P2RX6: variants seen among roughly 807,000 people sequenced by gnomAD.
P2RX6 encodes the protein P2X purinoceptor 6.
A neutral mutation model predicts 54.2 loss-of-function variants in P2RX6; 62 were observed. That is an observed-to-expected ratio of 1.14 (90% CI 0.93 to 1.41). P2RX6 has a LOEUF of 1.41. Ranked by LOEUF, P2RX6 falls within the 40% of genes most tolerant of loss-of-function variation. The pLI is 0.00. For missense variants in P2RX6, 541 were observed against 566.3 expected, an observed-to-expected ratio of 0.96 and a Z score of 0.45; for synonymous variants, 211 against 231.9, an observed-to-expected ratio of 0.91 and a Z score of 0.82.
chr22:21,012,669 C>G (rs942533164), upstream of P2RX6: 1 of 486,984 alleles, frequency 2.1e-6, no homozygotes, highest in African/African-American at 2.0e-5. Flanking sequence ...CTGGGACAGA[C>G]AGAGCAAACA....
At chr22:21,025,640 T>A (rs1053599908) in intron 8 of P2RX6, among the ~76,000 whole-genome samples, 165 bp from the exon 9 acceptor site, 3 of 152,200 alleles carry the variant, frequency 2.0e-5, no homozygotes, top group Non-Finnish European at 4.4e-5. Flanking sequence ...GGTCTTCGTT[T>A]GCTTTTTCTG....
chr22:21,010,445 C>T (rs1169123954), upstream of P2RX6: 1 of 152,182 alleles, frequency 6.6e-6, no homozygotes, highest in Non-Finnish European at 1.5e-5. Flanking sequence ...GGCCAATTCT[C>T]AAAGGCCAAG....
intron 3 of P2RX6, among the ~76,000 whole-genome samples, chr22:21,022,220 A>G (rs950876909): frequency 2.0e-5 from 3 of 152,148 alleles, no homozygotes; most frequent in Non-Finnish European, 4.4e-5. Flanking sequence ...AAAAATATTA[A>G]AAAATCAGCC....
At chr22:21,009,801 A>T (rs1925638123), upstream of P2RX6, 1 of 158,186 alleles carries the variant, frequency 6.3e-6, no homozygotes, top group Non-Finnish European at 1.4e-5. Flanking sequence ...CCTGCACAGA[A>T]GCAAGGACTC....
upstream of P2RX6, chr22:21,012,666 A>C: frequency 2.0e-6 from 1 of 494,554 alleles, no homozygotes; most frequent in Non-Finnish European, 3.8e-6. Flanking sequence ...GCCCTGGGAC[A>C]GACAGAGCAA....
At chr22:21,014,972 C>G (rs1033410784), upstream of P2RX6, 6 of 500,534 alleles carry the variant, frequency 1.2e-5, no homozygotes, top group South Asian at 3.1e-5. Flanking sequence ...CTGCTGTTCT[C>G]TGTGTGCCAG....
At position 21,027,154 on chromosome 22, in the gene P2RX6, G is replaced by A. The variant is rs757267824; in HGVS notation, c.*537G>A. ...ATTGTTTCAGCTTCTCTGGTGCTGT[G>A]ATGCCCCAGGAGAGTCCTAATCTAG... On this transcript the variant is annotated 3_prime_UTR_variant, in exon 12 of 12. Coordinates refer to ENST00000413302, the MANE Select transcript of P2RX6 (RefSeq NM_005446.5). The A allele has an allele frequency of 6.2e-6, 1 of 162,266 alleles. No individual in the cohort carries two copies. The highest frequency in any genetic ancestry group is 2.4e-5 in the African/African-American group (1 of 41,542). The allele number at this position is 162,266 out of a possible 1,614,324, so 10.1% of individuals were successfully genotyped here. A position where few individuals can be genotyped will look rare whatever the true frequency, so the allele number is the denominator to read the frequency against.
upstream of P2RX6, chr22:21,013,643 G>C (rs1407861697): frequency 6.6e-6 from 1 of 152,226 alleles, no homozygotes; most frequent in African/African-American, 2.4e-5. Flanking sequence ...GCCAGAGTCA[G>C]GCCTCTACCT....
intron 8 of P2RX6, 36 bp downstream of exon 8, chr22:21,023,654 GCCCATCGCCCTCT>G: frequency 6.8e-7 from 1 of 1,474,446 alleles, no homozygotes; most frequent in Non-Finnish European, 9.3e-7. Context: ...CAGCTGCTGG[GCCCATCGCCCTCT>G]CACTGTGGCG....
chr22:21,021,564 TC>T (rs1313733410), intron 3 of P2RX6, among the ~76,000 whole-genome samples: 1 of 152,092 alleles, frequency 6.6e-6, no homozygotes, highest in African/African-American at 2.4e-5. Flanking sequence ...GCCCTGTCTT[TC>T]AGAAAGTCCC....
At chr22:21,017,694 G>A (rs1926629356) in intron 2 of P2RX6, among the ~76,000 whole-genome samples, 1 of 152,192 alleles carries the variant, frequency 6.6e-6, no homozygotes, top group Admixed American at 6.5e-5. Flanking sequence ...CAGCCTGGGT[G>A]ACGAAGTGTA....
rs1928519795 is a variant in P2RX6, at chr22:21,026,649, G to A, written c.*32G>A. ...CCTGCTGGTTGAGAGTTGGGGGCTG[G>A]GAAGGGCGGGGCCCTGCCTGGGGAT... On this transcript the variant is annotated 3_prime_UTR_variant, in exon 12 of 12. Coordinates refer to ENST00000413302, the MANE Select transcript of P2RX6 (RefSeq NM_005446.5). The surrounding 1 kb of genome is among the most constrained non-coding windows in gnomAD (Gnocchi z 4.0). 1.3e-6 allele frequency: 2 copies of A among 1,549,386 alleles called. No individual in the cohort carries two copies. The highest frequency in any genetic ancestry group is 1.7e-6 in the Non-Finnish European group (2 of 1,146,348).
At position 21,025,767 on chromosome 22, in the gene P2RX6, G is replaced by A. The variant is rs746525624; in HGVS notation, c.891-38G>A. ...CAGGGCCAGCCCCACCTGGGGGTGGGCAAAGCAGGTCACCAGAGCCTTCTT... is the reference window on the plus strand; with the variant it reads ...CAGGGCCAGCCCCACCTGGGGGTGGACAAAGCAGGTCACCAGAGCCTTCTT... On this transcript the variant is annotated intron_variant, in intron 8 of 11. Coordinates refer to ENST00000413302, the MANE Select transcript of P2RX6 (RefSeq NM_005446.5). 5 of 1,503,118 alleles carry A rather than the reference G, an allele frequency of 3.3e-6. No individual in the cohort carries two copies. The South Asian group carries it at 4.8e-5, about 14-fold the overall frequency. 93.1% of individuals were successfully genotyped at this position (1,503,118 alleles called of 1,614,324 possible).
chr22:21,017,044 A>T lies in P2RX6; in HGVS notation c.316-945A>T, dbSNP rs190972449. On this transcript the variant is annotated intron_variant, in intron 2 of 11. Coordinates refer to ENST00000413302, the MANE Select transcript of P2RX6 (RefSeq NM_005446.5). ...TGGACCCCTTCCTGTCCCTTCCAAG[A>T]TTTTTCACCACTACCCATGCCATGC... Among the ~76,000 whole-genome samples the T allele has an allele frequency of 5.3e-5, 8 of 151,884 alleles. No homozygotes were observed. In the East Asian group the frequency reaches 1.4e-3, roughly 26 times the overall value.
At chr22:21,016,870 C>T (rs1042618592) in intron 2 of P2RX6, among the ~76,000 whole-genome samples, 2 of 152,162 alleles carry the variant, frequency 1.3e-5, no homozygotes, top group Non-Finnish European at 2.9e-5. Flanking sequence ...TCCCAGTGAT[C>T]ACCTGCCCAG....
At chr22:21,014,999 T>G (rs989293141), upstream of P2RX6, 3 of 508,458 alleles carry the variant, frequency 5.9e-6, no homozygotes, top group Non-Finnish European at 6.8e-6. Flanking sequence ...GCAAAGGGAA[T>G]GTAGGGAGGG....
upstream of P2RX6, among the ~76,000 whole-genome samples, chr22:21,011,145 A>G (rs537664541): frequency 5.0e-3 from 758 of 151,152 alleles, 7 homozygotes; most frequent in Non-Finnish European, 8.4e-3. Context: ...TTCAAGGTGG[A>G]TCCCTGGTGG....
In P2RX6 at chr22:21,026,609, A is replaced by C; in HGVS notation, c.1318A>C (p.Ser440Arg). 1 of 1,581,924 alleles carries C rather than the reference A, an allele frequency of 6.3e-7. No homozygotes were observed. The highest frequency in any genetic ancestry group is 1.2e-5 in the South Asian group (1 of 86,116). The stretch of plus-strand genomic sequence containing the variant: ...CACCCACTTGCCAACCCATTCCGGG[A>C]GCCTGTAGCCGTTCCCTGCTGGTTG... ...SDTHLPTHSG[S>R]L Residue 440 changes from serine (S) to arginine (R), a missense_variant, in exon 12 of 12, where the codon AGC (serine) becomes CGC (arginine). Transcript: ENST00000413302. This position sits in a 1 kb window ranked among gnomAD's most constrained non-coding sequence, Gnocchi z 4.0.
intron 2 of P2RX6, among the ~76,000 whole-genome samples, chr22:21,016,638 T>C (rs1204023947): frequency 1.3e-5 from 2 of 149,800 alleles, no homozygotes; most frequent in Non-Finnish European, 1.5e-5. Flanking sequence ...TTCCAAAGAC[T>C]GCCAACAGAA....
Sources: gnomAD v4.1 joint callset for allele counts (sites outside exome capture counted in the v4.1 genomes callset) on GRCh38, gnomAD v4.1.1 for gene constraint, Gnocchi (gnomAD v3.1) non-coding constraint, MANE v1.5 for transcripts, NCBI Gene and HGNC (gene_info 2026-07-23, HGNC 2026-07-21) for gene names.